The following PLA2R1 variants were observed in gnomAD, a reference collection of about 807,000 sequenced individuals.
PLA2R1 encodes secretory phospholipase A2 receptor.
PLA2R1 carries 158 observed loss-of-function variants against 195.9 expected under a neutral mutation model. The observed-to-expected ratio is 0.81, with a 90% CI of 0.71 to 0.92. PLA2R1 has a LOEUF of 0.92. Ranked by LOEUF, PLA2R1 falls within the 40% of genes least tolerant of loss-of-function variation. The probability of loss-of-function intolerance (pLI) is 0.00; values close to 1 mark genes in which losing one functional copy is unlikely to be tolerated. For synonymous variants in PLA2R1, 586 were observed against 598.2 expected (o/e 0.98, Z 0.30); for missense variants, 1,626 against 1,764.6 (o/e 0.92, Z 1.41).
chr2:160,040,566 T>G (rs758089854), intron 3 of PLA2R1, among the ~76,000 whole-genome samples: 3 of 152,182 alleles, frequency 2.0e-5, no homozygotes, highest in Admixed American at 6.5e-5. Flanking sequence ...ACCCACTGCA[T>G]CTCTGGAAGA....
chr2:159,968,945 T>C (rs564280097), intron 19 of PLA2R1, among the ~76,000 whole-genome samples: 293 of 152,372 alleles, frequency 1.9e-3, no homozygotes, highest in African/African-American at 6.5e-3. Flanking sequence ...GTGCTTCCAT[T>C]GAAATACCAT....
Position 159,941,444 on chromosome 2 carries a change from A to C in PLA2R1, c.*334T>G, listed in dbSNP as rs1687081719. ...CAGATTAGTTTTAAAATTCCCCCAAATTTTAGTAGAGATACATTAATGCAA... is the reference window on the plus strand; with the variant it reads ...CAGATTAGTTTTAAAATTCCCCCAACTTTTAGTAGAGATACATTAATGCAA... On this transcript the variant is annotated 3_prime_UTR_variant, in exon 30 of 30. Transcript: ENST00000283243. 1 of 169,536 alleles carries C rather than the reference A, an allele frequency of 5.9e-6. No homozygotes were observed. Among genetic ancestry groups the C allele is most frequent in the East Asian group, 1.7e-4 (1 of 6,016 alleles). 10.5% of individuals were successfully genotyped at this position (169,536 alleles called of 1,614,324 possible).
At chr2:160,042,263 T>C (rs975058454) in intron 2 of PLA2R1, 65 bp from the exon 3 acceptor site, 1 of 1,433,378 alleles carries the variant, frequency 7.0e-7, no homozygotes, top group Non-Finnish European at 9.7e-7. Flanking sequence ...GAAACTGCTA[T>C]ATATCGAAAG....
intron 20 of PLA2R1, among the ~76,000 whole-genome samples, chr2:159,957,156 G>A (rs1688145528): frequency 6.6e-6 from 1 of 152,098 alleles, no homozygotes; most frequent in Non-Finnish European, 1.5e-5. Context: ...GGAAGAGCCA[G>A]AGAAGAAAAA....
intron 20 of PLA2R1, among the ~76,000 whole-genome samples, chr2:159,959,267 A>G (rs1225810024): frequency 2.0e-5 from 3 of 152,160 alleles, no homozygotes; most frequent in Admixed American, 1.3e-4. Flanking sequence ...ATAAATACCA[A>G]TGAACCTCAT....
At chr2:160,037,557 A>G (rs1403566038) in intron 3 of PLA2R1, among the ~76,000 whole-genome samples, 1 of 152,128 alleles carries the variant, frequency 6.6e-6, no homozygotes, top group Non-Finnish European at 1.5e-5. Context: ...GAATGGTTAG[A>G]GCATGTGCCT....
chr2:159,928,647 G>GA (rs532234255), downstream of PLA2R1, among the ~76,000 whole-genome samples: 215 of 151,756 alleles, frequency 1.4e-3, no homozygotes, highest in African/African-American at 4.6e-3. Context: ...CACAGAACTA[G>GA]AAAAAAAATC....
At chr2:159,955,649 T>A in intron 22 of PLA2R1, 49 bp downstream of exon 22, 1 of 1,068,288 alleles carries the variant, frequency 9.4e-7, no homozygotes. Flanking sequence ...AAATCTTGAA[T>A]AAAATATCTT....
intron 11 of PLA2R1, among the ~76,000 whole-genome samples, chr2:160,003,955 A>G (rs1691787227): frequency 6.6e-6 from 1 of 152,244 alleles, no homozygotes; most frequent in African/African-American, 2.4e-5. Context: ...TTGCTAAGTG[A>G]AAAAAATCAA....
chr2:159,971,754 T>A (rs971501148), intron 17 of PLA2R1, among the ~76,000 whole-genome samples: 1 of 152,192 alleles, frequency 6.6e-6, no homozygotes, highest in African/African-American at 2.4e-5. Context: ...AATTTTAAGA[T>A]ACATTATTTT....
downstream of PLA2R1, among the ~76,000 whole-genome samples, chr2:159,931,356 C>T (rs1288621115): frequency 6.6e-6 from 1 of 152,006 alleles, no homozygotes; most frequent in Non-Finnish European, 1.5e-5. Flanking sequence ...AGAGTGAGAC[C>T]CCGTCTCCAC....
chr2:159,941,289 A>T lies in PLA2R1; in HGVS notation c.*489T>A, dbSNP rs893042180. On this transcript the variant is annotated 3_prime_UTR_variant, in exon 30 of 30. Transcript: ENST00000283243. Reference sequence around the variant, plus strand: ...TTCCAAATCCTGCTATTAAAAGTGAATTCAAAAGAAACAACTAAGAATCCT... The same window carrying T: ...TTCCAAATCCTGCTATTAAAAGTGATTTCAAAAGAAACAACTAAGAATCCT... The T allele has an allele frequency of 3.3e-4, 50 of 152,476 alleles. No individual in the cohort carries two copies. The highest frequency in any genetic ancestry group is 1.1e-3 in the African/African-American group (47 of 41,456). 9.4% of individuals were successfully genotyped at this position (152,476 alleles called of 1,614,324 possible). A position where few individuals can be genotyped will look rare whatever the true frequency, so the allele number is the denominator to read the frequency against.
At chr2:160,020,831 A>C (rs932436257) in intron 7 of PLA2R1, among the ~76,000 whole-genome samples, 8 of 152,202 alleles carry the variant, frequency 5.3e-5, no homozygotes, top group Non-Finnish European at 1.2e-4. Context: ...ACTATAATCA[A>C]TAGAAAATGG....
chr2:160,021,260 C>A (rs1693090601), intron 7 of PLA2R1, among the ~76,000 whole-genome samples: 1 of 152,032 alleles, frequency 6.6e-6, no homozygotes, highest in African/African-American at 2.4e-5. Context: ...TTCAATCCAG[C>A]AATCCCACTA....
chr2:159,952,387 T>C (rs530332433), intron 23 of PLA2R1, among the ~76,000 whole-genome samples: 5 of 152,222 alleles, frequency 3.3e-5, no homozygotes, highest in African/African-American at 9.6e-5. Flanking sequence ...ATAGAACATA[T>C]GTTAGGATAT....
chr2:159,959,379 C>T (rs1202034343), intron 20 of PLA2R1, among the ~76,000 whole-genome samples: 1 of 152,140 alleles, frequency 6.6e-6, no homozygotes, highest in Non-Finnish European at 1.5e-5. Context: ...GAAGTGTGGC[C>T]TGCAATTACC....
At chr2:159,968,608 C>T (rs1050538897) in intron 19 of PLA2R1, among the ~76,000 whole-genome samples, 6 of 152,166 alleles carry the variant, frequency 3.9e-5, no homozygotes, top group African/African-American at 1.4e-4. Flanking sequence ...GCCTGGGGCA[C>T]AGGTTAGTTA....
chr2:160,056,016 C>A (rs1695513877), intron 1 of PLA2R1, among the ~76,000 whole-genome samples: 1 of 152,082 alleles, frequency 6.6e-6, no homozygotes, highest in Non-Finnish European at 1.5e-5. Flanking sequence ...TCCCCCCATT[C>A]ACCATGGCTT....
intron 20 of PLA2R1, among the ~76,000 whole-genome samples, chr2:159,966,452 G>A (rs1450523536): frequency 6.6e-6 from 1 of 152,204 alleles, no homozygotes; most frequent in African/African-American, 2.4e-5. Context: ...AAGGTCTGGA[G>A]ATTTGTTGAA....
Sources: allele counts gnomAD v4.1 joint callset (sites outside exome capture counted in the v4.1 genomes callset), GRCh38; gene constraint gnomAD v4.1.1; transcripts MANE v1.5; gene names NCBI Gene and HGNC (gene_info 2026-07-23, HGNC 2026-07-21).